Variants in NTM observed in about 807,000 individuals in gnomAD.
NTM encodes neurotrimin.
A neutral mutation model predicts 42.1 loss-of-function variants in NTM; 13 were observed. The observed-to-expected ratio is 0.31, with a 90% CI of 0.20 to 0.49. NTM has a LOEUF of 0.49. Among genes scored for constraint, NTM ranks in the 20% least tolerant of loss-of-function variants. NTM has a pLI of 0.99. For synonymous variants in NTM, 187 were observed against 179.2 expected, an observed-to-expected ratio of 1.04 and a Z score of -0.35; for missense variants, 373 against 452.8, an observed-to-expected ratio of 0.82 and a Z score of 1.60.
Position 132,069,455 on chromosome 11 carries a change from C to T in NTM, c.168-76827C>T, listed in dbSNP as rs542003314. Reference sequence around the variant, plus strand: ...AACACGTCACACAGCCAAGTTAACACGTCAAACTGACCGTCACAGGTTAGT... The same window carrying T: ...AACACGTCACACAGCCAAGTTAACATGTCAAACTGACCGTCACAGGTTAGT... On this transcript the variant is annotated intron_variant, in intron 2 of 8. Coordinates refer to ENST00000683400, the MANE Select transcript of NTM (RefSeq NM_001352005.2). 4.9e-5 allele frequency among the ~76,000 whole-genome samples: 6 copies of T among 121,604 alleles called. 1 individual carries two copies. Among genetic ancestry groups the T allele is most frequent in the South Asian group, 5.0e-4 (2 of 3,994 alleles). The allele number at this position is 121,604 out of a possible 152,430, so 79.8% of individuals were successfully genotyped here. A position where few individuals can be genotyped will look rare whatever the true frequency, so the allele number is the denominator to read the frequency against.
chr11:132,292,695 G>A (rs2094486219), intron 4 of NTM, among the ~76,000 whole-genome samples: 1 of 150,268 alleles, frequency 6.7e-6, no homozygotes, highest in African/African-American at 2.5e-5. Flanking sequence ...AGTGGAACAA[G>A]GGAGGGAGGC....
At chr11:131,885,573 G>A (rs1488223304) in intron 1 of NTM, among the ~76,000 whole-genome samples, 1 of 152,218 alleles carries the variant, frequency 6.6e-6, no homozygotes, top group Non-Finnish European at 1.5e-5. Context: ...AGAGCAAGGA[G>A]CAGAGCCAGA....
intron 1 of NTM, among the ~76,000 whole-genome samples, chr11:131,594,625 C>T (rs923971266): frequency 3.9e-5 from 6 of 152,122 alleles, no homozygotes; most frequent in Admixed American, 6.5e-5. Flanking sequence ...TCTCCAACTA[C>T]GGGGCTCAAG....
chr11:132,222,226 C>G (rs2085315262), intron 4 of NTM, among the ~76,000 whole-genome samples: 1 of 152,166 alleles, frequency 6.6e-6, no homozygotes, highest in Admixed American at 6.5e-5. Flanking sequence ...CTGAGCTCTT[C>G]CAACTGAGTC....
chr11:131,465,220 G>A lies in NTM; in HGVS notation c.82+94332G>A, dbSNP rs139396083. Among the ~76,000 whole-genome samples the A allele has an allele frequency of 5.1e-3, 782 of 152,260 alleles. 5 individuals carry two copies. The highest frequency in any genetic ancestry group is 0.017 in the African/African-American group (724 of 41,536). On this transcript the variant is annotated intron_variant, in intron 1 of 8. Coordinates refer to ENST00000683400, the MANE Select transcript of NTM (RefSeq NM_001352005.2). The stretch of plus-strand genomic sequence containing the variant: ...TGAATACTAACCAGCTGGGTGGCGA[G>A]GTGGAGCTGCTTAGGGATAAGCTTT...
intron 2 of NTM, among the ~76,000 whole-genome samples, chr11:132,144,701 G>T (rs1436653197): frequency 6.6e-6 from 1 of 152,184 alleles, no homozygotes; most frequent in Non-Finnish European, 1.5e-5. Flanking sequence ...CACTTTGAAA[G>T]GTAGTCCCCA....
intron 1 of NTM, among the ~76,000 whole-genome samples, chr11:131,885,476 C>T (rs1156811939): frequency 6.6e-6 from 1 of 152,100 alleles, no homozygotes; most frequent in Non-Finnish European, 1.5e-5. Flanking sequence ...GGAGCAACGT[C>T]TTCATTATGA....
At chr11:131,794,542 T>G in intron 1 of NTM, 1 of 985,416 alleles carries the variant, frequency 1.0e-6, no homozygotes, top group Non-Finnish European at 1.2e-6. Flanking sequence ...TGCTGCTTTT[T>G]ACCTATTCAT....
At chr11:131,430,792 C>T (rs529370400) in intron 1 of NTM, among the ~76,000 whole-genome samples, 1 of 152,140 alleles carries the variant, frequency 6.6e-6, no homozygotes, top group Non-Finnish European at 1.5e-5. Context: ...GGTCTCCCTG[C>T]AGGCTACAGC....
chr11:131,861,350 A>C (rs488808), intron 1 of NTM, among the ~76,000 whole-genome samples: 69,759 of 151,960 alleles, frequency 0.46, 17,167 homozygotes, highest in Admixed American at 0.59. Context: ...GTAATCCCCC[A>C]GCAGTGAGGG....
intron 7 of NTM, among the ~76,000 whole-genome samples, chr11:132,319,125 T>G (rs1185590770): frequency 6.6e-6 from 1 of 152,198 alleles, no homozygotes; most frequent in Admixed American, 6.5e-5. Flanking sequence ...AGTAGAAAAG[T>G]GGCTAACAGC....
intron 4 of NTM, among the ~76,000 whole-genome samples, chr11:132,262,494 G>A (rs972157542): frequency 1.1e-4 from 17 of 152,162 alleles, no homozygotes; most frequent in African/African-American, 3.9e-4. Flanking sequence ...TGTCTGGTGG[G>A]GGCTCTCTTC....
intron 1 of NTM, among the ~76,000 whole-genome samples, chr11:131,879,260 C>T (rs2049087088): frequency 1.3e-5 from 2 of 152,154 alleles, no homozygotes; most frequent in Non-Finnish European, 2.9e-5. Context: ...TGGGTGGAAA[C>T]ATCACAGAAG....
At chr11:131,633,635 G>C (rs1184656282) in intron 1 of NTM, among the ~76,000 whole-genome samples, 2,332 of 21,542 alleles carry the variant, frequency 0.11, no homozygotes, top group Middle Eastern at 0.17. Flanking sequence ...CTCTATCTCT[G>C]CCTCTCTCTC....
chr11:131,761,797 G>A (rs1329683764), intron 1 of NTM, among the ~76,000 whole-genome samples: 1 of 148,338 alleles, frequency 6.7e-6, no homozygotes, highest in East Asian at 2.0e-4. Context: ...CAATAAGAGC[G>A]AAACTCTGTC....
intron 1 of NTM, chr11:131,877,598 A>G (rs1323476107): frequency 6.6e-6 from 1 of 152,212 alleles, no homozygotes; most frequent in African/African-American, 2.4e-5. Flanking sequence ...CATCTCGGGC[A>G]GGCTTAAATC....
intron 1 of NTM, among the ~76,000 whole-genome samples, chr11:131,844,176 GCTTTTTAATCTAT>G (rs1393684125): frequency 6.6e-6 from 1 of 152,126 alleles, no homozygotes; most frequent in African/African-American, 2.4e-5. Flanking sequence ...TTGGTATTTA[GCTTTTTAATCTAT>G]CTGCAATTGA....
At chr11:131,772,194 T>C (rs966680280) in intron 1 of NTM, among the ~76,000 whole-genome samples, 2 of 152,166 alleles carry the variant, frequency 1.3e-5, no homozygotes, top group African/African-American at 4.8e-5. Context: ...ATGCATATTT[T>C]CTAGCCACAA....
intron 3 of NTM, among the ~76,000 whole-genome samples, chr11:132,168,447 C>G: frequency 6.6e-6 from 1 of 152,094 alleles, no homozygotes; most frequent in East Asian, 1.9e-4. Context: ...AAATGGCCAG[C>G]AAGCCCACAA....
Sources: allele counts gnomAD v4.1 joint callset (sites outside exome capture counted in the v4.1 genomes callset), GRCh38; gene constraint gnomAD v4.1.1; transcripts MANE v1.5; gene names NCBI Gene and HGNC (gene_info 2026-07-23, HGNC 2026-07-21).